The following MYO5B variants were observed in gnomAD, a reference collection of about 807,000 sequenced individuals.
The protein encoded by MYO5B is unconventional myosin-Vb.
MYO5B carries 143 observed loss-of-function variants against 229.3 expected under a neutral mutation model. The observed-to-expected ratio is 0.62, with a 90% CI of 0.54 to 0.72. MYO5B has a LOEUF of 0.72. Among genes scored for constraint, MYO5B ranks in the 30% least tolerant of loss-of-function variants. The pLI is 0.00. For missense variants in MYO5B, 2,321 were observed against 2,331.0 expected (o/e 1.00, Z 0.09); for synonymous variants, 918 against 885.2 (o/e 1.04, Z -0.66).
intron 4 of MYO5B, among the ~76,000 whole-genome samples, chr18:50,012,479 GAC>G (rs1215453800): frequency 3.3e-5 from 5 of 152,202 alleles, no homozygotes; most frequent in Non-Finnish European, 5.9e-5. Context: ...TAGAAATACA[GAC>G]AGTTTCCTCA....
rs780712758 is a variant in MYO5B at position 49,980,433 on chromosome 18, G to A, written c.1056+11C>T. ...TGTTCATTTTATCTCCGGTGTTGGT[G>A]TGCAACTTACTGATATACTACAGGA... On this transcript the variant is annotated intron_variant, in intron 9 of 39. Transcript: ENST00000285039. 3 of 1,569,776 alleles carry A rather than the reference G, an allele frequency of 1.9e-6. No individual in the cohort carries two copies. Among genetic ancestry groups the A allele is most frequent in the Admixed American group, 3.3e-5 (2 of 59,934 alleles).
At chr18:50,141,940 C>A (rs2032424385) in intron 1 of MYO5B, among the ~76,000 whole-genome samples, 1 of 152,192 alleles carries the variant, frequency 6.6e-6, no homozygotes, top group Non-Finnish European at 1.5e-5. Flanking sequence ...AAGAGAAAAT[C>A]ATCCACATAC....
At chr18:49,832,916 A>T (rs1358157473) in intron 39 of MYO5B, among the ~76,000 whole-genome samples, 2 of 152,150 alleles carry the variant, frequency 1.3e-5, no homozygotes, top group African/African-American at 4.8e-5. Flanking sequence ...CAGCTCACAC[A>T]CAGCCCACTC....
In MYO5B at chr18:49,889,012, T is replaced by C. The variant is rs559827021; in HGVS notation, c.3045+5929A>G. Among the ~76,000 whole-genome samples, 7 of 152,292 alleles carry C rather than the reference T, an allele frequency of 4.6e-5. 1 individual carries two copies. Among genetic ancestry groups the C allele is most frequent in the African/African-American group, 1.4e-4 (6 of 41,566 alleles). ...GGACCTAGGGATTATATCGCCAGACTATCACACCCTCAGAACCCAGGCCAC... is the reference window on the plus strand; with the variant it reads ...GGACCTAGGGATTATATCGCCAGACCATCACACCCTCAGAACCCAGGCCAC... On this transcript the variant is annotated intron_variant, in intron 22 of 39. Transcript: ENST00000285039.
intron 2 of MYO5B, among the ~76,000 whole-genome samples, chr18:50,052,974 G>A (rs72915717): frequency 6.6e-6 from 1 of 152,070 alleles, no homozygotes; most frequent in Middle Eastern, 3.2e-3. Context: ...TGAACTTCAG[G>A]GGGAGGGAGG....
Position 49,902,848 on chromosome 18 carries a change from G to A in MYO5B, c.2572-15C>T. 6.3e-7 allele frequency: 1 copy of A among 1,598,524 alleles called. No homozygotes were observed. Among genetic ancestry groups the A allele is most frequent in the South Asian group, 1.1e-5 (1 of 90,886 alleles). On this transcript the variant is annotated splice_polypyrimidine_tract_variant and intron_variant, in intron 20 of 39. Transcript: ENST00000285039. ...TCCATGAGGACCTGGCGGGAAACAA[G>A]GATACACATCTTGTGGGTTTGCACT...
chr18:50,081,366 T>C (rs1240435447), intron 1 of MYO5B, among the ~76,000 whole-genome samples: 1 of 152,204 alleles, frequency 6.6e-6, no homozygotes, highest in African/African-American at 2.4e-5. Flanking sequence ...TATTTTTAAA[T>C]AACCAGCTAA....
chr18:50,162,616 C>T (rs1353603129), intron 1 of MYO5B, among the ~76,000 whole-genome samples: 1 of 152,186 alleles, frequency 6.6e-6, no homozygotes, highest in Non-Finnish European at 1.5e-5. Context: ...CAAAAGCAAA[C>T]TGGGCGGCCC....
At chr18:50,185,584 CT>C in intron 1 of MYO5B, among the ~76,000 whole-genome samples, 1 of 152,188 alleles carries the variant, frequency 6.6e-6, no homozygotes, top group South Asian at 2.1e-4. Context: ...GGTGGATAAC[CT>C]AATTGCCCGA....
chr18:49,864,047 T>A, intron 28 of MYO5B, 94 bp downstream of exon 28: 1 of 1,565,414 alleles, frequency 6.4e-7, no homozygotes, highest in Non-Finnish European at 8.6e-7. Flanking sequence ...CTTTCAGGTT[T>A]TAGACCCTCG....
intron 4 of MYO5B, among the ~76,000 whole-genome samples, chr18:50,021,115 A>G (rs918750902): frequency 2.6e-5 from 4 of 152,200 alleles, no homozygotes; most frequent in Admixed American, 2.6e-4. Context: ...ATATGCACAC[A>G]CAAGCATAAT....
chr18:49,825,525 G>C lies in MYO5B; in HGVS notation c.*946C>G, dbSNP rs2023831862. On this transcript the variant is annotated 3_prime_UTR_variant, in exon 40 of 40. Coordinates refer to ENST00000285039, the MANE Select transcript of MYO5B (RefSeq NM_001080467.3). ...AGTTTGTTTTACTATTTGGTTTCTG[G>C]AACAGTAGAGCATTATGTGATGCTC... 1 of 152,238 alleles carries C rather than the reference G, an allele frequency of 6.6e-6. No homozygotes were observed. Among genetic ancestry groups the C allele is most frequent in the South Asian group, 2.1e-4 (1 of 4,824 alleles). 9.4% of individuals were successfully genotyped at this position (152,238 alleles called of 1,614,324 possible). A position where few individuals can be genotyped will look rare whatever the true frequency, so the allele number is the denominator to read the frequency against.
chr18:50,045,551 A>T (rs1162301850), intron 2 of MYO5B, among the ~76,000 whole-genome samples: 1 of 152,024 alleles, frequency 6.6e-6, no homozygotes, highest in Non-Finnish European at 1.5e-5. Flanking sequence ...GTGCCATCAC[A>T]CTTGGCTAAT....
chr18:50,067,904 T>C (rs2030861537), intron 1 of MYO5B, among the ~76,000 whole-genome samples: 1 of 152,136 alleles, frequency 6.6e-6, no homozygotes, highest in African/African-American at 2.4e-5. Flanking sequence ...CAGTGACCCA[T>C]GGGGATAGGT....
Position 49,856,876 on chromosome 18 carries a change from C to T in MYO5B, c.3959G>A (p.Trp1320Ter). 6.2e-7 allele frequency: 1 copy of T among 1,614,122 alleles called. No individual in the cohort carries two copies. The highest frequency in any genetic ancestry group is 8.5e-7 in the Non-Finnish European group (1 of 1,179,944). The change falls in exon 30 of 40, where the codon TGG (tryptophan) becomes TAG (stop). Residue 1320 changes from tryptophan (W) to a stop codon, truncating the protein, a stop_gained. Transcript: ENST00000285039. LOFTEE classifies it high-confidence loss of function. ...VCQTNSKTED[W>*]GYLNEDGELG... ...TTCTCCATCTTCATTTAAATATCCC[C>T]AATCCTCAGTCTTGCTAGAAACAAA... is the stretch of plus-strand genomic sequence containing the variant.
chr18:50,103,470 C>T (rs1022447346), intron 1 of MYO5B, among the ~76,000 whole-genome samples: 1 of 152,130 alleles, frequency 6.6e-6, no homozygotes, highest in African/African-American at 2.4e-5. Context: ...CTGGTCAAGG[C>T]TGGGTATGTG....
In MYO5B at chr18:49,945,754, G is replaced by GGGA. The variant is rs1055221990; in HGVS notation, c.1752+7503_1752+7505dup. The stretch of plus-strand genomic sequence containing the variant: ...AGAATGGGCTGGTGGAGGGGAGGAG[G>GGGA]GGAGGAGGAGGAGGAGGAGAGGAGA... On this transcript the variant is annotated intron_variant, in intron 14 of 39. Coordinates refer to ENST00000285039, the MANE Select transcript of MYO5B (RefSeq NM_001080467.3). 4.3e-5 allele frequency among the ~76,000 whole-genome samples: 3 copies of GGGA among 69,010 alleles called. No homozygotes were observed. The East Asian group carries it at 7.3e-4, about 17-fold the overall frequency. 45.3% of individuals were successfully genotyped at this position (69,010 alleles called of 152,430 possible).
intron 1 of MYO5B, among the ~76,000 whole-genome samples, chr18:50,069,667 G>A (rs1440390214): frequency 1.3e-5 from 2 of 152,072 alleles, no homozygotes; most frequent in Non-Finnish European, 2.9e-5. Flanking sequence ...AATTCCATGG[G>A]ACAGGAAGCA....
At chr18:50,134,554 CA>C (rs2032306229) in intron 1 of MYO5B, among the ~76,000 whole-genome samples, 1 of 141,412 alleles carries the variant, frequency 7.1e-6, no homozygotes, top group African/African-American at 2.7e-5. Context: ...GACTCCATCT[CA>C]ATAAATAAAT....
Sources: gnomAD v4.1 joint callset for allele counts (sites outside exome capture counted in the v4.1 genomes callset) on GRCh38, gnomAD v4.1.1 for gene constraint, MANE v1.5 for transcripts, NCBI Gene and HGNC (gene_info 2026-07-23, HGNC 2026-07-21) for gene names.